Variants in IQSEC1 observed in about 807,000 individuals in gnomAD.
IQSEC1 encodes the protein IQ motif and SEC7 domain-containing protein 1.
A neutral mutation model predicts 91.0 loss-of-function variants in IQSEC1; 31 were observed. The ratio of observed to expected loss-of-function variants is 0.34; its 90% CI spans 0.26 to 0.46. The LOEUF (loss-of-function observed/expected upper bound fraction) is 0.46, where lower values mean the gene tolerates loss of function less well. IQSEC1 is among the 20% of genes least tolerant of loss of function. The pLI is 1.00. For missense variants in IQSEC1, 1,388 were observed against 1,575.6 expected (o/e 0.88, Z 2.02); for synonymous variants, 699 against 662.6 (o/e 1.05, Z -0.84).
chr3:13,040,814 C>T (rs1002331818), intron 1 of IQSEC1, among the ~76,000 whole-genome samples: 1 of 152,232 alleles, frequency 6.6e-6, no homozygotes, highest in African/African-American at 2.4e-5. Context: ...TACCACCTGG[C>T]TCAGCTGTCA....
intron 2 of IQSEC1, among the ~76,000 whole-genome samples, chr3:13,131,381 T>TAAA (rs138435621): frequency 1.3e-4 from 19 of 149,462 alleles, no homozygotes; most frequent in African/African-American, 4.7e-4. Context: ...GGTTCTTACT[T>TAAA]AAAAAAAAAA....
chr3:13,084,914 T>A lies in IQSEC1; in HGVS notation c.303-37392A>T, dbSNP rs1046605472. Among the ~76,000 whole-genome samples, 7 of 118,874 alleles carry A rather than the reference T, an allele frequency of 5.9e-5. No homozygotes were observed. The East Asian group carries it at 1.7e-3, about 29-fold the overall frequency. 78.0% of individuals were successfully genotyped at this position (118,874 alleles called of 152,430 possible). On this transcript the variant is annotated intron_variant, in intron 2 of 15. Coordinates refer to the IQSEC1 transcript ENST00000648114. ...CTGGGCTATGATTAGAGGGAGTGTA[T>A]GGGATGCAAAAGGCCTGAAAATGTC...
chr3:12,899,455 G>T lies in IQSEC1; in HGVS notation c.*1528C>A. ...TGAAACTACAAAGTATGGCCCGTGG[G>T]TGACTCGGGCACAGACCTGCCGCGT... On this transcript the variant is annotated 3_prime_UTR_variant, in exon 14 of 14. Coordinates refer to ENST00000613206, the MANE Select transcript of IQSEC1 (RefSeq NM_001134382.3). The T allele has an allele frequency of 6.2e-7, 1 of 1,606,054 alleles. No homozygotes were observed. The highest frequency in any genetic ancestry group is 8.5e-7 in the Non-Finnish European group (1 of 1,176,926).
chr3:12,900,044 C>T lies in IQSEC1; in HGVS notation c.*939G>A. ...AATCCGTGTAACCAATGTCCTAAGA[C>T]AACCAGCTTGTAACCAGCTGTCCTG... On this transcript the variant is annotated 3_prime_UTR_variant, in exon 14 of 14. Coordinates refer to ENST00000613206, the MANE Select transcript of IQSEC1 (RefSeq NM_001134382.3). The T allele has an allele frequency of 1.0e-6, 1 of 985,392 alleles. No individual in the cohort carries two copies. The highest frequency in any genetic ancestry group is 4.7e-5 in the South Asian group (1 of 21,282). 61.0% of individuals were successfully genotyped at this position (985,392 alleles called of 1,614,324 possible). A position where few individuals can be genotyped will look rare whatever the true frequency, so the allele number is the denominator to read the frequency against.
At chr3:13,221,285 C>T (rs1694654803) in intron 1 of IQSEC1, among the ~76,000 whole-genome samples, 1 of 152,176 alleles carries the variant, frequency 6.6e-6, no homozygotes, top group South Asian at 2.1e-4. Flanking sequence ...GCTCTGGGGG[C>T]AGCTGCCTGA....
Position 13,211,018 on chromosome 3 carries a change from C to T in IQSEC1, c.273-46885G>A, listed in dbSNP as rs1320472206. Among the ~76,000 whole-genome samples the T allele has an allele frequency of 1.3e-5, 2 of 152,214 alleles. No individual in the cohort carries two copies. Among genetic ancestry groups the T allele is most frequent in the Admixed American group, 6.5e-5 (1 of 15,290 alleles). ...ATCCTGTACTATCACTTGAGAGAGA[C>T]AAGAGTCTGCTAGAAGGTAGAGACC... On this transcript the variant is annotated intron_variant, in intron 1 of 15. Transcript: ENST00000648114. The surrounding 1 kb of genome is among the most constrained non-coding windows in gnomAD (Gnocchi z 5.3).
chr3:13,133,387 C>T (rs1042579775), intron 2 of IQSEC1, among the ~76,000 whole-genome samples: 1 of 152,246 alleles, frequency 6.6e-6, no homozygotes, highest in Non-Finnish European at 1.5e-5. Flanking sequence ...GATTCCATCA[C>T]CATGCTCTGG....
In IQSEC1 at chr3:12,913,540, G is replaced by A. The variant is rs2125108238; in HGVS notation, c.2204C>T (p.Pro735Leu). The change falls in exon 9 of 14, where the codon CCC becomes CTC. Residue 735 changes from proline to leucine, a missense_variant. Physicochemically the swap from Pro to Leu is moderately conservative, Grantham distance 98. Around this residue, in one of 2 missense-constraint regions of IQSEC1, gnomAD observed 1,059 missense variants for 1,317.8 expected, o/e 0.80. Coordinates refer to ENST00000613206, the MANE Select transcript of IQSEC1 (RefSeq NM_001134382.3). ...GCAGTAGCAGACCAACCGACGGTGGGGCAGAGAGAGCACCTGTGTGGGAAG... is the reference window on the plus strand; with the variant it reads ...GCAGTAGCAGACCAACCGACGGTGGAGCAGAGAGAGCACCTGTGTGGGAAG... ...HPGLGCVLSL[P>L]HRRLVCYCRL... 3 of 1,604,460 alleles carry A rather than the reference G, an allele frequency of 1.9e-6. No homozygotes were observed. The highest frequency in any genetic ancestry group is 4.5e-5 in the East Asian group (2 of 44,380).
chr3:13,029,792 G>A (rs1033167287), intron 1 of IQSEC1, among the ~76,000 whole-genome samples: 1 of 152,226 alleles, frequency 6.6e-6, no homozygotes, highest in African/African-American at 2.4e-5. Flanking sequence ...AAGGACTGCA[G>A]CACCCTGGGC....
intron 1 of IQSEC1, among the ~76,000 whole-genome samples, chr3:13,042,675 G>A (rs1221176166): frequency 1.3e-5 from 2 of 152,202 alleles, no homozygotes; most frequent in African/African-American, 4.8e-5. Context: ...GGCAGCTCTG[G>A]CTGTATCAAG....
chr3:13,148,495 C>T (rs1478543324), intron 2 of IQSEC1, among the ~76,000 whole-genome samples: 2 of 152,214 alleles, frequency 1.3e-5, no homozygotes, highest in African/African-American at 4.8e-5. Context: ...TGAATTCATT[C>T]TAACACTTAA....
At chr3:13,056,561 A>C (rs1419281373) in intron 1 of IQSEC1, among the ~76,000 whole-genome samples, 2 of 152,052 alleles carry the variant, frequency 1.3e-5, no homozygotes, top group East Asian at 3.9e-4. Context: ...AGACCTCCCC[A>C]AGCCTCCTCA....
chr3:13,119,759 C>T (rs998238360), intron 2 of IQSEC1, among the ~76,000 whole-genome samples: 5 of 152,138 alleles, frequency 3.3e-5, no homozygotes, highest in African/African-American at 4.8e-5. Context: ...TGGATGACAC[C>T]GAAGCCAAGG....
At chr3:13,243,036 G>A (rs1242246981) in intron 1 of IQSEC1, among the ~76,000 whole-genome samples, 1 of 152,192 alleles carries the variant, frequency 6.6e-6, no homozygotes, top group Non-Finnish European at 1.5e-5. Flanking sequence ...GACTCCTTCT[G>A]GGTAAGTTAG....
rs560648689 is a variant in IQSEC1, at chr3:12,908,299, C to T, written c.2755+50G>A. ...TGCCCTGAATGCAGACGCCCTGCCTCGGTCTTGCATGCGCTGGGCTAGCAA... is the reference window on the plus strand; with the variant it reads ...TGCCCTGAATGCAGACGCCCTGCCTTGGTCTTGCATGCGCTGGGCTAGCAA... On this transcript the variant is annotated intron_variant, in intron 12 of 13. Coordinates refer to ENST00000613206, the MANE Select transcript of IQSEC1 (RefSeq NM_001134382.3). This position sits in a 1 kb window ranked among gnomAD's most constrained non-coding sequence, Gnocchi z 4.9. 105 of 1,586,138 alleles carry T rather than the reference C, an allele frequency of 6.6e-5. No homozygotes were observed. The South Asian group carries it at 7.0e-4, about 11-fold the overall frequency.
intron 1 of IQSEC1, among the ~76,000 whole-genome samples, chr3:13,025,820 C>T (rs898068484): frequency 6.6e-6 from 1 of 152,194 alleles, no homozygotes; most frequent in Non-Finnish European, 1.5e-5. Flanking sequence ...CCATGCTGAC[C>T]GTCACCCACA....
intron 1 of IQSEC1, among the ~76,000 whole-genome samples, chr3:13,011,207 G>C (rs1185547542): frequency 6.6e-6 from 1 of 152,168 alleles, no homozygotes; most frequent in African/African-American, 2.4e-5. Flanking sequence ...AGCCCCAGGC[G>C]TACCAGCAGA....
chr3:13,280,711 C>G (rs997951069), intron 1 of IQSEC1, among the ~76,000 whole-genome samples: 7 of 152,254 alleles, frequency 4.6e-5, no homozygotes, highest in Non-Finnish European at 8.8e-5. Context: ...CCCAGACCCA[C>G]TGGCTCAGCA....
chr3:13,146,670 T>C (rs1046448724), intron 2 of IQSEC1, among the ~76,000 whole-genome samples: 9 of 152,224 alleles, frequency 5.9e-5, no homozygotes, highest in Non-Finnish European at 7.3e-5. Flanking sequence ...CGAAGCTCCG[T>C]GTCTACTAAA....
Sources: allele counts gnomAD v4.1 joint callset (sites outside exome capture counted in the v4.1 genomes callset), GRCh38; gene constraint gnomAD v4.1.1; regional missense constraint gnomAD v4.1.1; non-coding constraint Gnocchi (gnomAD v3.1); transcripts MANE v1.5; gene names NCBI Gene and HGNC (gene_info 2026-07-23, HGNC 2026-07-21).